The following INPP5D variants were observed in gnomAD, a reference collection of about 807,000 sequenced individuals.
INPP5D encodes inositol polyphosphate-5-phosphatase D, also known as phosphatidylinositol 3,4,5-trisphosphate 5-phosphatase 1.
INPP5D carries 33 observed loss-of-function variants against 122.9 expected under a neutral mutation model. That is an observed-to-expected ratio of 0.27 (90% CI 0.20 to 0.36). The LOEUF is 0.36. INPP5D is among the 10% of genes least tolerant of loss of function. INPP5D has a pLI of 1.00. For missense variants in INPP5D, 1,053 were observed against 1,412.7 expected (o/e 0.75, Z 4.08); for synonymous variants, 584 against 576.2 (o/e 1.01, Z -0.19).
intron 17 of INPP5D, among the ~76,000 whole-genome samples, chr2:233,175,753 GCACACCACAA>G (rs1694607942): frequency 6.6e-6 from 1 of 151,374 alleles, no homozygotes; most frequent in South Asian, 2.1e-4. Flanking sequence ...CGCAATCTCA[GCACACCACAA>G]CCTCCACCTT....
intron 5 of INPP5D, among the ~76,000 whole-genome samples, chr2:233,138,194 AC>A (rs1347361393): frequency 6.6e-6 from 1 of 150,918 alleles, no homozygotes; most frequent in African/African-American, 2.4e-5. Flanking sequence ...TACTAAAAAT[AC>A]AAAAATTAGC....
chr2:233,112,064 G>GAAA (rs111594925), intron 2 of INPP5D, among the ~76,000 whole-genome samples: 1 of 117,276 alleles, frequency 8.5e-6, no homozygotes. Flanking sequence ...ACTCTGTCTT[G>GAAA]AAAAAAAAAA....
rs1459946814 is a variant in INPP5D at position 233,204,395 on chromosome 2, G to A, written c.3245G>A (p.Arg1082Gln). 3.1e-6 allele frequency: 5 copies of A among 1,610,336 alleles called. No homozygotes were observed. The highest frequency in any genetic ancestry group is 3.3e-5 in the Admixed American group (2 of 59,808). Residue 1082 changes from arginine to glutamine, a missense_variant, in exon 26 of 27, where the codon CGG becomes CAG. This residue lies in a region of INPP5D where 417 missense variants were observed against 425.8 expected (regional missense o/e 0.98). Coordinates refer to ENST00000445964, the MANE Select transcript of INPP5D (RefSeq NM_001017915.3). ...CCCGGCAAGCAGGTGCCCGCGCCCC[G>A]GCTGCGCTCCTTCACGTGCTCATCC... is the stretch of plus-strand genomic sequence containing the variant. ...EGPGKQVPAP[R>Q]LRSFTCSSSA...
intron 2 of INPP5D, among the ~76,000 whole-genome samples, chr2:233,094,099 C>A (rs1049840517): frequency 6.6e-6 from 1 of 151,884 alleles, no homozygotes; most frequent in East Asian, 1.9e-4. Context: ...ACCCCCTCCC[C>A]CCCCAAAAAA....
chr2:233,186,659 CTT>C lies in INPP5D; in HGVS notation c.2358+735_2358+736del, dbSNP rs535436712. On this transcript the variant is annotated intron_variant, in intron 21 of 26. Coordinates refer to ENST00000445964, the MANE Select transcript of INPP5D (RefSeq NM_001017915.3). ...TCTACCAAAAAAAAATTTTTTTTCT[CTT>C]GTTTTTTTTTCTTTTTCTCTTTCTT... Among the ~76,000 whole-genome samples, 15 of 72,196 alleles carry C rather than the reference CTT, an allele frequency of 2.1e-4. No homozygotes were observed. The South Asian group carries it at 5.8e-3, about 28-fold the overall frequency. The allele number at this position is 72,196 out of a possible 152,430, so 47.4% of individuals were successfully genotyped here.
chr2:233,073,638 C>G (rs1032056667), intron 1 of INPP5D, among the ~76,000 whole-genome samples: 13 of 88,432 alleles, frequency 1.5e-4, no homozygotes, highest in Non-Finnish European at 2.0e-4. Flanking sequence ...GAAACTCAAT[C>G]TCAAAAAAAA....
Position 233,105,811 on chromosome 2 carries a change from A to T in INPP5D, c.199-16296A>T, listed in dbSNP as rs1692451476. On this transcript the variant is annotated intron_variant, in intron 2 of 26. Coordinates refer to ENST00000445964, the MANE Select transcript of INPP5D (RefSeq NM_001017915.3). This position sits in a 1 kb window ranked among gnomAD's most constrained non-coding sequence, Gnocchi z 4.0. ...AGCAAGTGGAGGGTGCCAGGGAGAGAGTGGCTCTGGGGGGCCACAGTGGGG... is the reference window on the plus strand; with the variant it reads ...AGCAAGTGGAGGGTGCCAGGGAGAGTGTGGCTCTGGGGGGCCACAGTGGGG... Among the ~76,000 whole-genome samples the T allele has an allele frequency of 1.3e-5, 2 of 151,958 alleles. No individual in the cohort carries two copies. Among genetic ancestry groups the T allele is most frequent in the African/African-American group, 4.8e-5 (2 of 41,370 alleles).
Position 233,204,655 on chromosome 2 carries a change from C to A in INPP5D, c.3505C>A (p.His1169Asn), listed in dbSNP as rs9247. 6.3e-6 allele frequency: 10 copies of A among 1,580,344 alleles called. No individual in the cohort carries two copies. Among genetic ancestry groups the A allele is most frequent in the Non-Finnish European group, 7.7e-6 (9 of 1,164,514 alleles). ...CTACCGCGACAACACCGAGCTCCCG[C>A]ATCACGGCAAGCACCGGCCGGAGGA... ...RDYRDNTELP[H>N]HGKHRPEEGP... is the part of the protein sequence containing the mutation. The change falls in exon 26 of 27, where the codon CAT becomes AAT. Residue 1169 changes from histidine to asparagine, a missense_variant. By Grantham distance (68) the His-to-Asn change is moderately conservative. Coordinates refer to ENST00000445964, the MANE Select transcript of INPP5D (RefSeq NM_001017915.3).
chr2:233,134,538 T>G (rs1314016394), intron 5 of INPP5D, among the ~76,000 whole-genome samples: 1 of 152,128 alleles, frequency 6.6e-6, no homozygotes, highest in Non-Finnish European at 1.5e-5. Context: ...GCAGAAATGT[T>G]GTGACGATGT....
At chr2:233,067,187 G>T (rs1424803828) in intron 1 of INPP5D, among the ~76,000 whole-genome samples, 4 of 152,172 alleles carry the variant, frequency 2.6e-5, no homozygotes, top group Non-Finnish European at 2.9e-5. Flanking sequence ...AAGAAACCCT[G>T]TACCCACAGC....
At chr2:233,149,552 G>A (rs1195645448) in intron 9 of INPP5D, among the ~76,000 whole-genome samples, 2 of 152,104 alleles carry the variant, frequency 1.3e-5, no homozygotes, top group Non-Finnish European at 2.9e-5. Flanking sequence ...TCTCATATGA[G>A]GCTCTATAAC....
At chr2:233,187,755 C>T (rs1694957922) in intron 21 of INPP5D, among the ~76,000 whole-genome samples, 1 of 152,192 alleles carries the variant, frequency 6.6e-6, no homozygotes, top group Non-Finnish European at 1.5e-5. Flanking sequence ...CTTCAGGCCC[C>T]TGAGTCGTGG....
chr2:233,091,448 G>C (rs1691990790), intron 2 of INPP5D, among the ~76,000 whole-genome samples: 1 of 152,218 alleles, frequency 6.6e-6, no homozygotes, highest in African/African-American at 2.4e-5. Flanking sequence ...GCTCCTTCCA[G>C]AGGCTTCAGG....
rs748781603 is a variant in INPP5D at position 233,189,844 on chromosome 2, C to T, written c.2359-6C>T. The T allele has an allele frequency of 1.5e-5, 24 of 1,612,792 alleles. No homozygotes were observed. Among genetic ancestry groups the T allele is most frequent in the Admixed American group, 3.3e-5 (2 of 59,870 alleles). On this transcript the variant is annotated splice_region_variant and splice_polypyrimidine_tract_variant and intron_variant, in intron 21 of 26. Coordinates refer to ENST00000445964, the MANE Select transcript of INPP5D (RefSeq NM_001017915.3). The surrounding 1 kb of genome is among the most constrained non-coding windows in gnomAD (Gnocchi z 5.6). ...CAACTCCAGTCCTGTGCCCTTCTCTCTGCAGCTGAAGCCCATTATCTCTGA... is the reference window on the plus strand; with the variant it reads ...CAACTCCAGTCCTGTGCCCTTCTCTTTGCAGCTGAAGCCCATTATCTCTGA...
intron 13 of INPP5D, among the ~76,000 whole-genome samples, chr2:233,166,440 T>C (rs546908852): frequency 6.6e-6 from 1 of 151,178 alleles, no homozygotes; most frequent in Non-Finnish European, 1.5e-5. Context: ...GGCGAAGGAG[T>C]GTGTGGCGTG....
At chr2:233,107,609 C>T (rs1692501963) in intron 2 of INPP5D, among the ~76,000 whole-genome samples, 1 of 152,168 alleles carries the variant, frequency 6.6e-6, no homozygotes, top group South Asian at 2.1e-4. Flanking sequence ...GTCGAAGAAC[C>T]TAGCTTCAGG....
At chr2:233,118,072 C>A (rs1220181690) in intron 2 of INPP5D, among the ~76,000 whole-genome samples, 1 of 152,202 alleles carries the variant, frequency 6.6e-6, no homozygotes, top group Admixed American at 6.5e-5. Flanking sequence ...ATGGACCTGG[C>A]CTGCTGTGGG....
intron 9 of INPP5D, among the ~76,000 whole-genome samples, chr2:233,154,310 G>A (rs771450468): frequency 9.2e-5 from 14 of 152,122 alleles, no homozygotes; most frequent in Non-Finnish European, 1.9e-4. Flanking sequence ...CACCATGCCC[G>A]GCTAATTTTT....
At chr2:233,172,785 G>C (rs769103756) in intron 17 of INPP5D, among the ~76,000 whole-genome samples, 3 of 152,200 alleles carry the variant, frequency 2.0e-5, no homozygotes, top group Non-Finnish European at 4.4e-5. Context: ...CAGTTAGATG[G>C]TGTGGCCTAT....
Sources: gnomAD v4.1 joint callset for allele counts (sites outside exome capture counted in the v4.1 genomes callset) on GRCh38, gnomAD v4.1.1 for gene constraint, gnomAD v4.1.1 regional missense constraint, Gnocchi (gnomAD v3.1) non-coding constraint, MANE v1.5 for transcripts, NCBI Gene and HGNC (gene_info 2026-07-23, HGNC 2026-07-21) for gene names.